Variants in SLC35D4 observed in about 807,000 individuals in gnomAD.
The protein encoded by SLC35D4 is solute carrier family 35 member D4.
At chr18:23,408,998 G>C in the SLC35D4 span, among the ~76,000 whole-genome samples, 2 of 149,650 alleles carry the variant, frequency 1.3e-5, no homozygotes, top group African/African-American at 5.1e-5. Flanking sequence ...AGCCGGGCAT[G>C]GTGGTGGGCA....
the SLC35D4 span, among the ~76,000 whole-genome samples, chr18:23,299,078 A>G: frequency 1.5e-3 from 228 of 152,352 alleles, 1 homozygote; most frequent in Admixed American, 4.4e-3. Context: ...CATAGGAATG[A>G]ACTGACTATG....
chr18:23,388,987 C>CTT, the SLC35D4 span, among the ~76,000 whole-genome samples: 639 of 126,150 alleles, frequency 5.1e-3, 21 homozygotes, highest in African/African-American at 0.018. Context: ...TCAAGTAGTT[C>CTT]TTTTTTTTTT....
chr18:23,403,536 C>G, the SLC35D4 span, among the ~76,000 whole-genome samples: 1 of 152,154 alleles, frequency 6.6e-6, no homozygotes, highest in Non-Finnish European at 1.5e-5. Context: ...GCAAGTGTAG[C>G]TTGAGAAGAT....
the SLC35D4 span, among the ~76,000 whole-genome samples, chr18:23,357,228 G>A: frequency 2.0e-5 from 3 of 151,836 alleles, no homozygotes; most frequent in African/African-American, 7.3e-5. Context: ...TTTAATGACT[G>A]CAAGAACAGC....
At chr18:23,386,411 G>A in the SLC35D4 span, among the ~76,000 whole-genome samples, 6 of 152,086 alleles carry the variant, frequency 3.9e-5, no homozygotes, top group Non-Finnish European at 8.8e-5. Flanking sequence ...GGGCAATGCC[G>A]TGGCCACCAG....
At chr18:23,277,242 G>A in the SLC35D4 span, among the ~76,000 whole-genome samples, 2 of 152,176 alleles carry the variant, frequency 1.3e-5, no homozygotes, top group Non-Finnish European at 2.9e-5. Flanking sequence ...AATCATGGGG[G>A]CGGTTTCACC....
the SLC35D4 span, among the ~76,000 whole-genome samples, chr18:23,343,433 G>T: frequency 6.6e-6 from 1 of 151,930 alleles, no homozygotes; most frequent in African/African-American, 2.4e-5. Context: ...TAGAGACAGG[G>T]TTTCTCCATG....
chr18:23,291,360 C>T, the SLC35D4 span, among the ~76,000 whole-genome samples: 1 of 152,216 alleles, frequency 6.6e-6, no homozygotes, highest in Non-Finnish European at 1.5e-5. Flanking sequence ...GGCCTCAGCT[C>T]TATTTTCTAT....
At chr18:23,354,083 A>C in the SLC35D4 span, among the ~76,000 whole-genome samples, 1 of 152,184 alleles carries the variant, frequency 6.6e-6, no homozygotes, top group Non-Finnish European at 1.5e-5. Flanking sequence ...AACTATTTTC[A>C]AAAGTGCCAC....
chr18:23,325,973 G>C, the SLC35D4 span, among the ~76,000 whole-genome samples: 1 of 152,220 alleles, frequency 6.6e-6, no homozygotes, highest in East Asian at 1.9e-4. Context: ...TGAAGGCAAG[G>C]AGTATGCATT....
the SLC35D4 span, among the ~76,000 whole-genome samples, chr18:23,260,672 A>G: frequency 2.0e-5 from 3 of 151,798 alleles, no homozygotes; most frequent in Non-Finnish European, 4.4e-5. Flanking sequence ...TTACCTGTTC[A>G]GCAACAAAAG....
chr18:23,294,963 C>A, the SLC35D4 span, among the ~76,000 whole-genome samples: 1 of 152,030 alleles, frequency 6.6e-6, no homozygotes, highest in East Asian at 1.9e-4. Context: ...GTCATCAGAA[C>A]CTCCATTTGC....
the SLC35D4 span, among the ~76,000 whole-genome samples, chr18:23,307,775 G>A: frequency 6.6e-6 from 1 of 152,178 alleles, no homozygotes; most frequent in Non-Finnish European, 1.5e-5. Flanking sequence ...CCTTTTCCAG[G>A]AGGTGTGTCC....
At chr18:23,411,531 AAGAAAGAAAG>A in the SLC35D4 span, among the ~76,000 whole-genome samples, 2 of 151,500 alleles carry the variant, frequency 1.3e-5, no homozygotes, top group African/African-American at 4.9e-5. Context: ...GAAAGAAAGA[AAGAAAGAAAG>A]AAAGAAAGAA....
the SLC35D4 span, among the ~76,000 whole-genome samples, chr18:23,397,024 T>G: frequency 6.6e-6 from 1 of 152,172 alleles, no homozygotes; most frequent in African/African-American, 2.4e-5. Flanking sequence ...GAAAACACAC[T>G]AGACTGACAT....
At chr18:23,379,579 G>T in the SLC35D4 span, among the ~76,000 whole-genome samples, 2 of 152,122 alleles carry the variant, frequency 1.3e-5, no homozygotes, top group East Asian at 3.9e-4. Context: ...AAAAGAAAAG[G>T]CCCCTTCCAT....
chr18:23,377,566 T>C, the SLC35D4 span: 7 of 1,360,900 alleles, frequency 5.1e-6, no homozygotes, highest in East Asian at 1.2e-4. Context: ...AGAGTATGAA[T>C]CTTGAACAGT....
chr18:23,364,796 G>A, the SLC35D4 span, among the ~76,000 whole-genome samples: 2 of 150,800 alleles, frequency 1.3e-5, no homozygotes, highest in East Asian at 1.9e-4. Context: ...CCAGCCACTC[G>A]GGAGGCTGAG....
the SLC35D4 span, among the ~76,000 whole-genome samples, chr18:23,267,547 C>T: frequency 6.6e-6 from 1 of 152,128 alleles, no homozygotes; most frequent in Non-Finnish European, 1.5e-5. Flanking sequence ...TTGTTCTGTG[C>T]CACACAGTTG....
Sources: allele counts gnomAD v4.1 joint callset (sites outside exome capture counted in the v4.1 genomes callset), GRCh38; gene constraint gnomAD v4.1.1; transcripts MANE v1.5; gene names NCBI Gene and HGNC (gene_info 2026-07-23, HGNC 2026-07-21).